Variants in PRKG1 observed in about 807,000 individuals in gnomAD.
PRKG1 encodes the protein cGMP-dependent protein kinase 1.
In PRKG1, 35 loss-of-function variants were observed where a neutral mutation model predicts 88.1. The ratio of observed to expected loss-of-function variants is 0.40; its 90% CI spans 0.30 to 0.53. The LOEUF (loss-of-function observed/expected upper bound fraction) is 0.53, where lower values mean the gene tolerates loss of function less well. Ranked by LOEUF, PRKG1 falls within the 20% of genes least tolerant of loss-of-function variation. The pLI, the probability that PRKG1 is intolerant of heterozygous loss-of-function variation, is 0.59. For missense variants in PRKG1, 540 were observed against 839.8 expected, an observed-to-expected ratio of 0.64 and a Z score of 4.41; for synonymous variants, 303 against 292.5, an observed-to-expected ratio of 1.04 and a Z score of -0.37.
At chr10:51,410,933 C>T (rs933209007) in intron 2 of PRKG1, among the ~76,000 whole-genome samples, 3 of 151,344 alleles carry the variant, frequency 2.0e-5, no homozygotes, top group Admixed American at 6.6e-5. Flanking sequence ...TTTGGTAAAT[C>T]GGATGTACAC....
At chr10:51,918,246 C>T (rs1008216697) in intron 5 of PRKG1, among the ~76,000 whole-genome samples, 20 of 151,992 alleles carry the variant, frequency 1.3e-4, no homozygotes, top group African/African-American at 4.3e-4. Flanking sequence ...TGAAAGTTTG[C>T]GGAATTAATA....
intron 5 of PRKG1, among the ~76,000 whole-genome samples, chr10:52,052,639 A>G (rs931909877): frequency 1.3e-5 from 2 of 152,090 alleles, no homozygotes; most frequent in South Asian, 2.1e-4. Flanking sequence ...GCACTCTTAC[A>G]TGGTGGCAGA....
intron 14 of PRKG1, 88 bp from the exon 15 acceptor site, chr10:52,288,638 G>A: frequency 7.5e-7 from 1 of 1,328,298 alleles, no homozygotes; most frequent in South Asian, 1.7e-5. Context: ...AATATGAATT[G>A]ATGTCATCTG....
chr10:51,171,294 T>G (rs767433521), intron 2 of PRKG1, among the ~76,000 whole-genome samples: 1 of 152,154 alleles, frequency 6.6e-6, no homozygotes, highest in Admixed American at 6.6e-5. Context: ...ATTTATTGTA[T>G]CAGGGATTGG....
chr10:51,347,027 C>T (rs36044156), intron 2 of PRKG1, among the ~76,000 whole-genome samples: 9,749 of 152,166 alleles, frequency 0.064, 432 homozygotes, highest in Middle Eastern at 0.12. Context: ...CCTCTCACCT[C>T]GTGGCCTCAG....
At chr10:52,019,324 T>TA (rs1182551051) in intron 5 of PRKG1, among the ~76,000 whole-genome samples, 1 of 152,168 alleles carries the variant, frequency 6.6e-6, no homozygotes, top group East Asian at 1.9e-4. Flanking sequence ...CCTACCCTCT[T>TA]ACAGAGACTA....
intron 2 of PRKG1, among the ~76,000 whole-genome samples, chr10:51,249,171 A>G (rs955662632): frequency 2.6e-5 from 4 of 151,728 alleles, no homozygotes; most frequent in African/African-American, 9.7e-5. Context: ...CATTCTCTAC[A>G]AAAAACTAGG....
intron 5 of PRKG1, among the ~76,000 whole-genome samples, chr10:52,027,242 C>T (rs1272193102): frequency 6.6e-6 from 1 of 152,068 alleles, no homozygotes; most frequent in Non-Finnish European, 1.5e-5. Flanking sequence ...TGGATAGCGA[C>T]AACAGCAACC....
chr10:51,506,100 A>G (rs1408269679), intron 3 of PRKG1, among the ~76,000 whole-genome samples: 2 of 152,174 alleles, frequency 1.3e-5, no homozygotes, highest in Non-Finnish European at 2.9e-5. Context: ...CTGGCTAGCC[A>G]TATGTAGAAA....
intron 3 of PRKG1, among the ~76,000 whole-genome samples, chr10:51,627,929 T>TTCCTTCCCTTCCTTCC (rs1426640394): frequency 2.4e-5 from 1 of 41,556 alleles, no homozygotes; most frequent in Non-Finnish European, 5.7e-5. Context: ...TCCCTTCCTT[T>TTCCTTCCCTTCCTTCC]CTTCCTTCCT....
At chr10:52,186,457 A>C (rs1438165891) in intron 9 of PRKG1, among the ~76,000 whole-genome samples, 4 of 150,934 alleles carry the variant, frequency 2.7e-5, no homozygotes, top group South Asian at 4.2e-4. Context: ...CCTGCTATTC[A>C]TGAAGGATTT....
intron 14 of PRKG1, among the ~76,000 whole-genome samples, chr10:52,283,905 T>C (rs1016673795): frequency 1.3e-5 from 2 of 151,974 alleles, no homozygotes; most frequent in African/African-American, 4.8e-5. Context: ...GGAAGTAAAA[T>C]ATTCACCTAT....
In PRKG1 at chr10:51,743,674, A is replaced by G. The variant is rs12770895; in HGVS notation, c.593-60911A>G. The stretch of plus-strand genomic sequence containing the variant: ...ATATAAACTAAATATATATATATTT[A>G]TATATATATAATTTATTATATATAT... On this transcript the variant is annotated intron_variant, in intron 3 of 17. Coordinates refer to ENST00000373980, the MANE Select transcript of PRKG1 (RefSeq NM_006258.4). 4.0e-4 allele frequency among the ~76,000 whole-genome samples: 55 copies of G among 137,944 alleles called. 2 individuals are homozygous for G. In the South Asian group the frequency reaches 0.012, roughly 30 times the overall value. 90.5% of individuals were successfully genotyped at this position (137,944 alleles called of 152,430 possible).
intron 3 of PRKG1, among the ~76,000 whole-genome samples, chr10:51,619,997 T>G (rs1394420641): frequency 6.6e-6 from 1 of 152,134 alleles, no homozygotes; most frequent in Non-Finnish European, 1.5e-5. Context: ...CCATGATAAT[T>G]TGAATTCATT....
chr10:52,213,369 G>A lies in PRKG1; in HGVS notation c.1077-38201G>A, dbSNP rs12413824. Among the ~76,000 whole-genome samples the A allele has an allele frequency of 0.03, 4,532 of 152,184 alleles. 415 individuals carry two copies. In the East Asian group the frequency reaches 0.37, roughly 12 times the overall value. ...TTTATTTAAGACTCGTCATGGAAAC[G>A]TCATACCTTATTTATGACACTATGT... On this transcript the variant is annotated intron_variant, in intron 9 of 17. Transcript: ENST00000373980.
At chr10:52,276,480 AC>A (rs1385943416) in intron 12 of PRKG1, among the ~76,000 whole-genome samples, 1 of 152,152 alleles carries the variant, frequency 6.6e-6, no homozygotes, top group African/African-American at 2.4e-5. Context: ...TCAGTTTATG[AC>A]AAGTTGACTA....
chr10:51,936,485 C>A (rs1842802532), intron 5 of PRKG1, among the ~76,000 whole-genome samples: 1 of 151,916 alleles, frequency 6.6e-6, no homozygotes, highest in Non-Finnish European at 1.5e-5. Flanking sequence ...AAATTTTCGA[C>A]AAGGGGCTAA....
intron 9 of PRKG1, among the ~76,000 whole-genome samples, chr10:52,250,737 C>A (rs1189928985): frequency 1.3e-5 from 2 of 152,114 alleles, no homozygotes; most frequent in Non-Finnish European, 2.9e-5. Flanking sequence ...AATAGCAGGG[C>A]CTTTGACAAG....
chr10:52,242,954 GAA>G (rs1189788324), intron 9 of PRKG1, among the ~76,000 whole-genome samples: 1 of 151,932 alleles, frequency 6.6e-6, no homozygotes, highest in Non-Finnish European at 1.5e-5. Context: ...AAAAAGAAAA[GAA>G]AAATTTATTT....
Sources: gnomAD v4.1 joint callset for allele counts (sites outside exome capture counted in the v4.1 genomes callset) on GRCh38, gnomAD v4.1.1 for gene constraint, MANE v1.5 for transcripts, NCBI Gene and HGNC (gene_info 2026-07-23, HGNC 2026-07-21) for gene names.